CERS4: variants seen among roughly 807,000 people sequenced by gnomAD.
CERS4 encodes LAG1 homolog, ceramide synthase 4.
In CERS4, 65 loss-of-function variants were observed where a neutral mutation model predicts 51.8. The observed-to-expected ratio is 1.26, with a 90% CI of 1.03 to 1.54. CERS4 has a LOEUF of 1.54. Ranked by LOEUF, CERS4 falls within the 40% of genes most tolerant of loss-of-function variation. The pLI is 0.00. For missense variants in CERS4, 563 were observed against 500.4 expected (o/e 1.13, Z -1.19); for synonymous variants, 228 against 208.4 (o/e 1.09, Z -0.81).
chr19:8,237,156 C>T (rs1968305086), intron 2 of CERS4, among the ~76,000 whole-genome samples: 1 of 152,014 alleles, frequency 6.6e-6, no homozygotes, highest in Non-Finnish European at 1.5e-5. Context: ...TACCTTGGAC[C>T]TGGTAAAGGC....
rs1356542321 is a variant in CERS4, at chr19:8,251,073, C to A, written c.-1-3C>A. 5.0e-6 allele frequency: 8 copies of A among 1,587,482 alleles called. No homozygotes were observed. Among genetic ancestry groups the A allele is most frequent in the Non-Finnish European group, 6.9e-6 (8 of 1,166,742 alleles). ...CCCAGCTAACTGGAACCTGTGTCCA[C>A]AGAATGCTGTCCAGTTTCAACGAGT... On this transcript the variant is annotated splice_polypyrimidine_tract_variant and splice_region_variant and intron_variant, in intron 2 of 11. Coordinates refer to ENST00000251363, the MANE Select transcript of CERS4 (RefSeq NM_024552.3).
At chr19:8,240,775 G>A (rs1038386009) in intron 2 of CERS4, among the ~76,000 whole-genome samples, 12 of 152,092 alleles carry the variant, frequency 7.9e-5, no homozygotes, top group Non-Finnish European at 1.5e-5. Flanking sequence ...TTGGGGGTTC[G>A]GGGAAGCCGT....
chr19:8,260,972 A>C (rs1048144503), intron 10 of CERS4: 1 of 150,548 alleles, frequency 6.6e-6, no homozygotes, highest in Non-Finnish European at 1.5e-5. Context: ...AAAAAAAAAA[A>C]AAAAACAAGA....
Position 8,257,191 on chromosome 19 carries a change from C to G in CERS4, c.741+114C>G, listed in dbSNP as rs968217323. ...TCCTGGGAGATGGAGCCCCACCCCT[C>G]CTGTCTTTCTCGGGTGATGAGGCCC... On this transcript the variant is annotated intron_variant, in intron 9 of 11. Transcript: ENST00000251363. 6 of 1,117,018 alleles carry G rather than the reference C, an allele frequency of 5.4e-6. No homozygotes were observed. The African/African-American group carries it at 9.5e-5, about 18-fold the overall frequency. The allele number at this position is 1,117,018 out of a possible 1,614,324, so 69.2% of individuals were successfully genotyped here. A position where few individuals can be genotyped will look rare whatever the true frequency, so the allele number is the denominator to read the frequency against.
chr19:8,221,872 GTTTTT>G (rs71165297), intron 2 of CERS4, among the ~76,000 whole-genome samples: 6 of 39,468 alleles, frequency 1.5e-4, no homozygotes, highest in Admixed American at 4.1e-4. Flanking sequence ...ATTTTTTTAT[GTTTTT>G]TTTTTTTTTT....
chr19:8,216,327 T>C (rs1009735602), intron 2 of CERS4, among the ~76,000 whole-genome samples: 1 of 149,942 alleles, frequency 6.7e-6, no homozygotes, highest in Admixed American at 6.7e-5. Context: ...TGCAGTGAGC[T>C]GAGATGGTGG....
chr19:8,213,821 C>A (rs1035828117), intron 2 of CERS4, among the ~76,000 whole-genome samples: 1 of 152,036 alleles, frequency 6.6e-6, no homozygotes, highest in African/African-American at 2.4e-5. Context: ...TAAAAATTAA[C>A]CCTGTGTGGT....
chr19:8,240,578 G>A (rs1381986079), intron 2 of CERS4: 1 of 138,738 alleles, frequency 7.2e-6, no homozygotes, highest in East Asian at 2.1e-4. Context: ...GTGAGTCAAT[G>A]TATGCAAGTG....
intron 2 of CERS4, among the ~76,000 whole-genome samples, chr19:8,241,796 C>G (rs74176286): frequency 6.6e-6 from 1 of 152,070 alleles, no homozygotes; most frequent in South Asian, 2.1e-4. Context: ...ATAAACTGCC[C>G]GCCTGCCCTG....
At position 8,259,462 on chromosome 19, in the gene CERS4, C is replaced by G. The variant is rs1320126085; in HGVS notation, c.848+1477C>G. Among the ~76,000 whole-genome samples the G allele has an allele frequency of 2.0e-5, 3 of 152,014 alleles. No homozygotes were observed. In the South Asian group the frequency reaches 6.2e-4, roughly 31 times the overall value. On this transcript the variant is annotated intron_variant, in intron 10 of 11. Coordinates refer to ENST00000251363, the MANE Select transcript of CERS4 (RefSeq NM_024552.3). ...TGTGGGCAGGACTTTGGCTTTGACC[C>G]CGGGGGAGATGGGAGCCATGGAGGT...
At chr19:8,249,079 TAGACAGATGTTTTGATGGGC>T (rs1041055531) in intron 2 of CERS4, among the ~76,000 whole-genome samples, 20 of 146,260 alleles carry the variant, frequency 1.4e-4, no homozygotes, top group Non-Finnish European at 5.9e-5. Flanking sequence ...AATGGGTGGA[TAGACAGATGTTTTGATGGGC>T]GAACAGATGG....
intron 2 of CERS4, among the ~76,000 whole-genome samples, chr19:8,247,174 G>A (rs1968824201): frequency 6.6e-6 from 1 of 152,016 alleles, no homozygotes; most frequent in Non-Finnish European, 1.5e-5. Context: ...TCAAAATGTT[G>A]GGGGAAATAA....
intron 7 of CERS4, 52 bp from the exon 8 acceptor site, chr19:8,256,566 C>G: frequency 6.5e-7 from 1 of 1,534,366 alleles, no homozygotes; most frequent in Non-Finnish European, 8.9e-7. Flanking sequence ...CATACCCCTG[C>G]CCGATTGGAG....
At chr19:8,214,501 T>C (rs1967209788) in intron 2 of CERS4, 1 of 152,540 alleles carries the variant, frequency 6.6e-6, no homozygotes, top group Non-Finnish European at 1.5e-5. Flanking sequence ...AGGAATGCAA[T>C]GAGGCTGGGG....
intron 4 of CERS4, among the ~76,000 whole-genome samples, chr19:8,255,376 C>G (rs1969321264): frequency 6.6e-6 from 1 of 152,154 alleles, no homozygotes; most frequent in African/African-American, 2.4e-5. Flanking sequence ...TAATCCCATC[C>G]CCGTCAGCGA....
At chr19:8,223,647 G>A (rs1022092995) in intron 2 of CERS4, among the ~76,000 whole-genome samples, 1 of 151,466 alleles carries the variant, frequency 6.6e-6, no homozygotes, top group Non-Finnish European at 1.5e-5. Flanking sequence ...TTAGCCGGGC[G>A]TGGCAGTGCA....
chr19:8,245,411 C>T (rs543512645), intron 2 of CERS4, among the ~76,000 whole-genome samples: 24 of 151,632 alleles, frequency 1.6e-4, no homozygotes, highest in African/African-American at 4.1e-4. Context: ...CCACCTTGCC[C>T]GGCTAATTTT....
chr19:8,225,944 C>T (rs1248696961), intron 2 of CERS4, among the ~76,000 whole-genome samples: 1 of 151,940 alleles, frequency 6.6e-6, no homozygotes, highest in Non-Finnish European at 1.5e-5. Context: ...GCCTGTAATT[C>T]CAGCACTTTG....
At chr19:8,253,067 C>T (rs1163418560) in intron 3 of CERS4, among the ~76,000 whole-genome samples, 1 of 152,250 alleles carries the variant, frequency 6.6e-6, no homozygotes, top group East Asian at 1.9e-4. Context: ...ATTTATTCTG[C>T]AATGAGTTCC....
Sources: allele counts gnomAD v4.1 joint callset (sites outside exome capture counted in the v4.1 genomes callset), GRCh38; gene constraint gnomAD v4.1.1; transcripts MANE v1.5; gene names NCBI Gene and HGNC (gene_info 2026-07-23, HGNC 2026-07-21).